Variants in MTUS2 observed in about 807,000 individuals in gnomAD.
MTUS2 encodes the protein microtubule-associated tumor suppressor candidate 2.
In MTUS2, 40 loss-of-function variants were observed where a neutral mutation model predicts 114.1. The ratio of observed to expected loss-of-function variants is 0.35; its 90% CI spans 0.27 to 0.46. The LOEUF (loss-of-function observed/expected upper bound fraction) is 0.46, where lower values mean the gene tolerates loss of function less well. Among genes scored for constraint, MTUS2 ranks in the 20% least tolerant of loss-of-function variants. The pLI is 1.00. For synonymous variants in MTUS2, 688 were observed against 672.0 expected, an observed-to-expected ratio of 1.02 and a Z score of -0.37; for missense variants, 1,679 against 1,705.4, an observed-to-expected ratio of 0.98 and a Z score of 0.27.
chr13:29,358,547 G>A (rs1007191399), intron 7 of MTUS2, among the ~76,000 whole-genome samples: 2 of 152,186 alleles, frequency 1.3e-5, no homozygotes, highest in Non-Finnish European at 2.9e-5. Context: ...AAGTGATGAC[G>A]TGCCTCACGT....
At chr13:29,413,691 AAC>A (rs1272783176) in intron 8 of MTUS2, among the ~76,000 whole-genome samples, 7 of 7,328 alleles carry the variant, frequency 9.6e-4, no homozygotes, top group Admixed American at 4.8e-3. Context: ...GCAGCCAAAA[AAC>A]ACATGAAGAA....
intron 4 of MTUS2, among the ~76,000 whole-genome samples, chr13:29,093,435 C>G (rs183828120): frequency 2.6e-5 from 4 of 152,216 alleles, no homozygotes; most frequent in Admixed American, 6.5e-5. Flanking sequence ...GAGCAACACT[C>G]CATCTCAAAA....
chr13:29,251,518 T>A, intron 5 of MTUS2, among the ~76,000 whole-genome samples: 1 of 152,112 alleles, frequency 6.6e-6, no homozygotes, highest in East Asian at 1.9e-4. Flanking sequence ...ACCATCTACC[T>A]CGACGTTCTC....
chr13:29,092,628 A>G (rs908629356), intron 4 of MTUS2, among the ~76,000 whole-genome samples: 1 of 152,110 alleles, frequency 6.6e-6, no homozygotes, highest in Non-Finnish European at 1.5e-5. Flanking sequence ...TAGGCTGAGC[A>G]TGGGATCCAG....
intron 9 of MTUS2, among the ~76,000 whole-genome samples, chr13:29,464,062 C>G (rs1434555750): frequency 6.6e-6 from 1 of 152,170 alleles, no homozygotes; most frequent in Non-Finnish European, 1.5e-5. Flanking sequence ...TAGAGCCATT[C>G]CTGCAGACTC....
intron 1 of MTUS2, among the ~76,000 whole-genome samples, chr13:28,835,025 G>C (rs1367575422): frequency 6.6e-6 from 1 of 152,160 alleles, no homozygotes; most frequent in East Asian, 1.9e-4. Context: ...ATTAAGTGTT[G>C]GTGAAGATAT....
intron 5 of MTUS2, among the ~76,000 whole-genome samples, chr13:29,261,186 C>A (rs962965554): frequency 1.3e-5 from 2 of 152,304 alleles, no homozygotes. Context: ...GTTGACATAC[C>A]TCCTTAAGGC....
chr13:29,283,376 C>T (rs1448552283), intron 6 of MTUS2, among the ~76,000 whole-genome samples: 1 of 152,186 alleles, frequency 6.6e-6, no homozygotes, highest in Non-Finnish European at 1.5e-5. Flanking sequence ...CAGTGACTGA[C>T]TCACAGTAGG....
At chr13:29,123,112 T>G (rs933603771) in intron 5 of MTUS2, among the ~76,000 whole-genome samples, 4 of 152,232 alleles carry the variant, frequency 2.6e-5, no homozygotes, top group Non-Finnish European at 5.9e-5. Context: ...TTAAAAAAGC[T>G]TCCTGTTTTG....
intron 5 of MTUS2, among the ~76,000 whole-genome samples, chr13:29,197,052 T>C (rs1209593224): frequency 6.6e-6 from 1 of 152,188 alleles, no homozygotes; most frequent in Admixed American, 6.5e-5. Context: ...ACAGTGGGTG[T>C]ACAATTTTTT....
intron 8 of MTUS2, among the ~76,000 whole-genome samples, chr13:29,416,026 C>T (rs1352401653): frequency 6.6e-6 from 1 of 151,838 alleles, no homozygotes; most frequent in Non-Finnish European, 1.5e-5. Context: ...AGTGATTCTC[C>T]TGCCTCAGCC....
intron 2 of MTUS2, among the ~76,000 whole-genome samples, chr13:29,013,836 A>G (rs1243404817): frequency 6.6e-6 from 1 of 151,864 alleles, no homozygotes; most frequent in African/African-American, 2.4e-5. Context: ...CAAAGATCTC[A>G]TTTCCCCACC....
At chr13:29,074,140 G>T (rs1889075179) in intron 4 of MTUS2, among the ~76,000 whole-genome samples, 1 of 151,960 alleles carries the variant, frequency 6.6e-6, no homozygotes, top group Non-Finnish European at 1.5e-5. Context: ...TTCTTTGTTG[G>T]CTCCACATTG....
chr13:29,200,837 C>A (rs941999784), intron 5 of MTUS2, among the ~76,000 whole-genome samples: 4 of 152,080 alleles, frequency 2.6e-5, no homozygotes, highest in African/African-American at 7.2e-5. Context: ...GTTTCTTAAT[C>A]CCGAGTTCTA....
intron 7 of MTUS2, among the ~76,000 whole-genome samples, chr13:29,351,083 G>C (rs1305072423): frequency 6.6e-6 from 1 of 151,820 alleles, no homozygotes; most frequent in Non-Finnish European, 1.5e-5. Context: ...ACAGGTGGAA[G>C]TGGATTTCAA....
rs769215318 is a variant in MTUS2, at chr13:29,100,903, C to G, written c.2577C>G (p.Ser859Arg). The G allele has an allele frequency of 6.4e-7, 1 of 1,572,732 alleles. No individual in the cohort carries two copies. Among genetic ancestry groups the G allele is most frequent in the Non-Finnish European group, 8.6e-7 (1 of 1,158,802 alleles). Reference protein sequence around the residue: ...LAAFGFVRSSSVSSVSSTQSG... With the variant: ...LAAFGFVRSSRVSSVSSTQSG... ...CATTTGGCTTTGTCCGGAGCTCCAG[C>G]GTCTCCTCAGTCTCCAGCACCCAGT... The change falls in exon 5 of 16, where the codon AGC becomes AGG. Residue 859 changes from serine (S) to arginine (R), a missense_variant. By Grantham distance (110) the Ser-to-Arg change is moderately radical (BLOSUM62 -1). Around this residue, in one of 3 missense-constraint regions of MTUS2, gnomAD observed 822 missense variants for 899.7 expected, o/e 0.91. Transcript: ENST00000612955.
intron 4 of MTUS2, among the ~76,000 whole-genome samples, chr13:29,065,276 A>G (rs890883960): frequency 3.9e-5 from 6 of 152,104 alleles, no homozygotes; most frequent in Admixed American, 3.9e-4. Context: ...TTTCGCCACA[A>G]CCTTGCCAGC....
At chr13:29,302,434 G>A (rs1481073516) in intron 6 of MTUS2, among the ~76,000 whole-genome samples, 2 of 152,136 alleles carry the variant, frequency 1.3e-5, no homozygotes, top group African/African-American at 2.4e-5. Context: ...TGGCAGAGCA[G>A]CCACTCAGGC....
Position 29,440,012 on chromosome 13 carries a change from G to A in MTUS2, c.3147G>A (p.Glu1049=). The A allele has an allele frequency of 6.3e-7, 1 of 1,589,020 alleles. No homozygotes were observed. Among genetic ancestry groups the A allele is most frequent in the Non-Finnish European group, 8.6e-7 (1 of 1,165,978 alleles). The part of the protein sequence containing the change: ...KNESALVKEK[E]LSIELANIRD... Reference sequence around the variant, plus strand: ...AAAGTGCCCTTGTGAAAGAAAAAGAGCTGTCAATCGAACTTGCAAACATCA... The same window carrying A: ...AAAGTGCCCTTGTGAAAGAAAAAGAACTGTCAATCGAACTTGCAAACATCA... The change falls in exon 9 of 16, where the codon GAG becomes GAA. Residue 1049 remains glutamate, a synonymous_variant. Coordinates refer to ENST00000612955, the MANE Select transcript of MTUS2 (RefSeq NM_001033602.4).
Sources: gnomAD v4.1 joint callset for allele counts (sites outside exome capture counted in the v4.1 genomes callset) on GRCh38, gnomAD v4.1.1 for gene constraint, gnomAD v4.1.1 regional missense constraint, MANE v1.5 for transcripts, NCBI Gene and HGNC (gene_info 2026-07-23, HGNC 2026-07-21) for gene names.